Variants in CDH13 observed in about 807,000 individuals in gnomAD.
The protein encoded by CDH13 is cadherin 13.
A neutral mutation model predicts 63.8 loss-of-function variants in CDH13; 24 were observed. The observed-to-expected ratio is 0.38, with a 90% CI of 0.27 to 0.53. The LOEUF is 0.53. CDH13 is among the 20% of genes least tolerant of loss of function. The pLI, the probability that CDH13 is intolerant of heterozygous loss-of-function variation, is 0.85. For synonymous variants in CDH13, 503 were observed against 355.3 expected (o/e 1.42, Z -4.67); for missense variants, 1,049 against 903.1 (o/e 1.16, Z -2.07).
At chr16:83,160,330 T>C (rs1185009858) in intron 4 of CDH13, among the ~76,000 whole-genome samples, 1 of 152,078 alleles carries the variant, frequency 6.6e-6, no homozygotes, top group Non-Finnish European at 1.5e-5. Context: ...AATTTTATTA[T>C]AAACCTGAAA....
chr16:83,176,562 G>C (rs916225886), intron 4 of CDH13, among the ~76,000 whole-genome samples: 1 of 150,742 alleles, frequency 6.6e-6, no homozygotes, highest in African/African-American at 2.4e-5. Context: ...TGTTCTATAG[G>C]TGTTTTTAGT....
At chr16:83,535,369 A>G (rs2075163162) in intron 7 of CDH13, among the ~76,000 whole-genome samples, 3 of 152,258 alleles carry the variant, frequency 2.0e-5, no homozygotes, top group Admixed American at 2.0e-4. Context: ...GCATTTTAGT[A>G]GATGCTGTGG....
chr16:83,666,033 T>C (rs192303498), intron 8 of CDH13, among the ~76,000 whole-genome samples: 1 of 152,218 alleles, frequency 6.6e-6, no homozygotes, highest in African/African-American at 2.4e-5. Flanking sequence ...GCCACAGTGA[T>C]TGTGTAAAAA....
chr16:83,090,207 C>A (rs1368613476), intron 3 of CDH13, among the ~76,000 whole-genome samples: 2 of 152,162 alleles, frequency 1.3e-5, no homozygotes, highest in African/African-American at 4.8e-5. Flanking sequence ...CAGGCTCTTT[C>A]GTGCCTCCAG....
intron 5 of CDH13, among the ~76,000 whole-genome samples, chr16:83,232,729 A>G (rs1438046735): frequency 2.0e-5 from 3 of 151,732 alleles, no homozygotes; most frequent in East Asian, 1.9e-4. Context: ...AGAACCGTGA[A>G]CCAATTAAAC....
intron 8 of CDH13, among the ~76,000 whole-genome samples, chr16:83,628,458 G>A (rs1004605113): frequency 2.6e-5 from 4 of 152,146 alleles, no homozygotes; most frequent in African/African-American, 9.7e-5. Flanking sequence ...TGTCTCCACT[G>A]ATAAGTCACA....
At chr16:83,253,892 A>T (rs981669740) in intron 5 of CDH13, among the ~76,000 whole-genome samples, 1 of 152,236 alleles carries the variant, frequency 6.6e-6, no homozygotes, top group Non-Finnish European at 1.5e-5. Flanking sequence ...ACATGAACAG[A>T]CACACAAATA....
chr16:83,102,907 C>CTTTCTTTTTTTTTTCTT (rs1567831496), intron 3 of CDH13, among the ~76,000 whole-genome samples: 8 of 80,656 alleles, frequency 9.9e-5, no homozygotes, highest in African/African-American at 4.0e-4. Context: ...GCTAATTAAA[C>CTTTCTTTTTTTTTTCTT]TTTCTTTTTT....
At chr16:82,628,975 A>G (rs1210094576) in intron 1 of CDH13, among the ~76,000 whole-genome samples, 1 of 152,238 alleles carries the variant, frequency 6.6e-6, no homozygotes, top group Non-Finnish European at 1.5e-5. Context: ...TATGCAATGC[A>G]TGCCAGTCTG....
chr16:83,776,736 G>T (rs1412018490), intron 11 of CDH13, among the ~76,000 whole-genome samples: 1 of 152,178 alleles, frequency 6.6e-6, no homozygotes, highest in East Asian at 1.9e-4. Flanking sequence ...CCTCGTAGGG[G>T]TCATGACACA....
chr16:83,570,971 A>ATATATATATATATATATAT (rs57205262), intron 7 of CDH13, among the ~76,000 whole-genome samples: 4 of 117,244 alleles, frequency 3.4e-5, no homozygotes, highest in South Asian at 2.8e-4. Context: ...ATATATATAT[A>ATATATATATATATATATAT]AAAACCTTCT....
intron 5 of CDH13, among the ~76,000 whole-genome samples, chr16:83,339,986 C>G (rs915818767): frequency 2.6e-5 from 4 of 152,182 alleles, no homozygotes; most frequent in Non-Finnish European, 4.4e-5. Flanking sequence ...GTCCAAAAAT[C>G]ACACCAAGGC....
intron 8 of CDH13, among the ~76,000 whole-genome samples, chr16:83,621,320 G>C (rs1909791340): frequency 6.6e-6 from 1 of 151,988 alleles, no homozygotes; most frequent in South Asian, 2.1e-4. Flanking sequence ...CCTTGCCAGG[G>C]CTATTCCTCG....
chr16:82,698,201 G>C (rs2030566044), intron 1 of CDH13, among the ~76,000 whole-genome samples: 1 of 152,194 alleles, frequency 6.6e-6, no homozygotes, highest in African/African-American at 2.4e-5. Flanking sequence ...TTCTAAGGCA[G>C]TGCTATCTCT....
intron 1 of CDH13, among the ~76,000 whole-genome samples, chr16:82,831,001 A>G (rs1490868032): frequency 6.6e-6 from 1 of 152,156 alleles, no homozygotes; most frequent in East Asian, 1.9e-4. Flanking sequence ...AACTGAGCTG[A>G]AGCTACGGCC....
At chr16:83,521,948 C>T (rs957303905) in intron 7 of CDH13, among the ~76,000 whole-genome samples, 20 of 151,670 alleles carry the variant, frequency 1.3e-4, no homozygotes, top group South Asian at 2.1e-4. Context: ...CCTTGAAACA[C>T]GTTGTTATTT....
intron 8 of CDH13, among the ~76,000 whole-genome samples, chr16:83,613,573 C>T (rs769099295): frequency 3.3e-5 from 5 of 152,192 alleles, no homozygotes; most frequent in Admixed American, 6.5e-5. Context: ...TGGCTCACGC[C>T]TGTAATACCA....
At chr16:83,701,816 T>C (rs1044433020) in intron 10 of CDH13, among the ~76,000 whole-genome samples, 2 of 152,124 alleles carry the variant, frequency 1.3e-5, no homozygotes, top group Admixed American at 6.5e-5. Context: ...CTCTGCCCAG[T>C]TTGCTTCCTC....
intron 2 of CDH13, among the ~76,000 whole-genome samples, chr16:82,903,999 C>A (rs1183781442): frequency 6.6e-6 from 1 of 152,094 alleles, no homozygotes; most frequent in East Asian, 1.9e-4. Flanking sequence ...TCATAGAATC[C>A]TGTGATTCTC....
Sources: allele counts gnomAD v4.1 joint callset (sites outside exome capture counted in the v4.1 genomes callset), GRCh38; gene constraint gnomAD v4.1.1; transcripts MANE v1.5; gene names NCBI Gene and HGNC (gene_info 2026-07-23, HGNC 2026-07-21).